The following TIAM2 variants were observed in gnomAD, a reference collection of about 807,000 sequenced individuals.
TIAM2 encodes the protein rho guanine nucleotide exchange factor TIAM2.
A neutral mutation model predicts 152.9 loss-of-function variants in TIAM2; 80 were observed. The observed-to-expected ratio is 0.52, with a 90% confidence interval of 0.44 to 0.63. The LOEUF (loss-of-function observed/expected upper bound fraction) is 0.63, where lower values mean the gene tolerates loss of function less well. TIAM2 is among the 30% of genes least tolerant of loss of function. The probability of loss-of-function intolerance (pLI) is 0.00; values close to 1 mark genes in which losing one functional copy is unlikely to be tolerated. For synonymous variants in TIAM2, 804 were observed against 838.0 expected, an observed-to-expected ratio of 0.96 and a Z score of 0.70; for missense variants, 1,965 against 2,120.1, an observed-to-expected ratio of 0.93 and a Z score of 1.44.
intron 15 of TIAM2, among the ~76,000 whole-genome samples, chr6:155,238,705 A>G (rs1782888647): frequency 6.6e-6 from 1 of 152,226 alleles, no homozygotes; most frequent in South Asian, 2.1e-4. Flanking sequence ...TGCTGCCTCT[A>G]TTCATTTAAT....
At chr6:155,240,742 C>T in intron 16 of TIAM2, 33 bp downstream of exon 16, 9 of 1,585,178 alleles carry the variant, frequency 5.7e-6, no homozygotes, top group Non-Finnish European at 7.7e-6. Context: ...TGCATTCGTG[C>T]CTCTTTGATG....
At chr6:155,090,648 C>T (rs534494865) in intron 2 of TIAM2, among the ~76,000 whole-genome samples, 4 of 152,152 alleles carry the variant, frequency 2.6e-5, no homozygotes, top group South Asian at 4.1e-4. Flanking sequence ...TATGCCAGGC[C>T]TCTCTGGGAC....
intron 2 of TIAM2, among the ~76,000 whole-genome samples, chr6:155,117,431 A>T (rs1779041328): frequency 6.6e-6 from 1 of 152,082 alleles, no homozygotes; most frequent in Admixed American, 6.6e-5. Context: ...TGATGCTGTT[A>T]AAGTTGTCAT....
intron 2 of TIAM2, among the ~76,000 whole-genome samples, chr6:155,124,185 AT>A (rs1484525552): frequency 2.6e-5 from 4 of 151,704 alleles, no homozygotes; most frequent in Admixed American, 6.6e-5. Flanking sequence ...CACTCAGCTA[AT>A]TTTTTTGTAG....
At chr6:155,244,938 G>A in intron 18 of TIAM2, 155 bp downstream of exon 18, 1 of 984,698 alleles carries the variant, frequency 1.0e-6, no homozygotes, top group Non-Finnish European at 1.4e-6. Context: ...TCCTCTGTCA[G>A]GTGGTAAAGG....
At chr6:155,014,789 C>T (rs1004625137) in intron 1 of TIAM2, among the ~76,000 whole-genome samples, 4 of 152,154 alleles carry the variant, frequency 2.6e-5, no homozygotes, top group African/African-American at 7.2e-5. Flanking sequence ...GCCAGAGCAG[C>T]AGAGGGAATT....
Position 155,257,458 on chromosome 6 carries a change from A to ATTT in TIAM2, c.*341_*343dup, listed in dbSNP as rs929352821. ...CGTGATTAATAGTTTTCAAAGGGCC[A>ATTT]TTTTTTAAAATCCTCTGGGCATTTT... On this transcript the variant is annotated 3_prime_UTR_variant, in exon 27 of 27. Coordinates refer to ENST00000682666, the MANE Select transcript of TIAM2 (RefSeq NM_012454.4). 3.0e-6 allele frequency: 1 copy of ATTT among 332,770 alleles called. No homozygotes were observed. The highest frequency in any genetic ancestry group is 5.5e-6 in the Non-Finnish European group (1 of 183,172). 20.6% of individuals were successfully genotyped at this position (332,770 alleles called of 1,614,324 possible).
intron 14 of TIAM2, among the ~76,000 whole-genome samples, chr6:155,195,449 G>A (rs970911569): frequency 6.6e-5 from 10 of 152,108 alleles, no homozygotes; most frequent in African/African-American, 2.2e-4. Flanking sequence ...CTTTTCTCTG[G>A]TTTATCAAGT....
In TIAM2 at chr6:155,129,244, G is replaced by A. The variant is rs114808212; in HGVS notation, c.21G>A (p.Gln7=). 1 of 1,613,750 alleles carries A rather than the reference G, an allele frequency of 6.2e-7. No homozygotes were observed. Among genetic ancestry groups the A allele is most frequent in the African/African-American group, 1.3e-5 (1 of 74,916 alleles). Residue 7 remains glutamine (Q), a synonymous_variant, in exon 4 of 27, where the codon CAG becomes CAA. Coordinates refer to ENST00000682666, the MANE Select transcript of TIAM2 (RefSeq NM_012454.4). This position sits in a 1 kb window ranked among gnomAD's most constrained non-coding sequence, Gnocchi z 4.8. MGNSDS[Q]YTLQGSKNHS... Reference sequence around the variant, plus strand: ...TTAAAATGGGCAACTCCGACAGTCAGTACACCCTTCAAGGATCTAAAAATC... The same window carrying A: ...TTAAAATGGGCAACTCCGACAGTCAATACACCCTTCAAGGATCTAAAAATC...
intron 1 of TIAM2, among the ~76,000 whole-genome samples, chr6:155,069,353 C>T (rs1490734024): frequency 1.3e-5 from 2 of 152,064 alleles, no homozygotes; most frequent in East Asian, 3.9e-4. Context: ...CTCAGCCTCC[C>T]GAAATGCTGA....
chr6:155,253,797 G>A, intron 24 of TIAM2, 176 bp from the exon 25 acceptor site: 1 of 536,694 alleles, frequency 1.9e-6, no homozygotes, highest in Middle Eastern at 3.0e-4. Flanking sequence ...TAACCAAAAG[G>A]CATTTCAGTT....
chr6:155,011,942 T>C (rs111598697), intron 1 of TIAM2, among the ~76,000 whole-genome samples: 11 of 152,212 alleles, frequency 7.2e-5, no homozygotes, highest in African/African-American at 2.7e-4. Flanking sequence ...GGCTCAGCTT[T>C]TCTGAGTGTG....
At chr6:155,140,577 A>T (rs149750092) in intron 5 of TIAM2, among the ~76,000 whole-genome samples, 25,725 of 97,504 alleles carry the variant, frequency 0.26, 2,487 homozygotes, top group East Asian at 0.45. Context: ...TGTGTGTGAG[A>T]GAGAGAGAGA....
chr6:154,996,635 A>C (rs9479998), intron 1 of TIAM2, among the ~76,000 whole-genome samples: 2 of 152,144 alleles, frequency 1.3e-5, no homozygotes, highest in African/African-American at 4.8e-5. Context: ...GGTGCGGATC[A>C]TATGCTATAA....
chr6:155,027,754 T>C (rs1776639873), intron 1 of TIAM2, among the ~76,000 whole-genome samples: 1 of 59,730 alleles, frequency 1.7e-5, no homozygotes, highest in Non-Finnish European at 2.9e-5. Flanking sequence ...ATATATGTAC[T>C]GTGTTACATA....
intron 15 of TIAM2, among the ~76,000 whole-genome samples, chr6:155,239,611 G>T (rs1171111603): frequency 2.0e-5 from 3 of 152,242 alleles, no homozygotes; most frequent in African/African-American, 7.2e-5. Context: ...TGGTGCTTCT[G>T]TCTGAATAGG....
intron 1 of TIAM2, among the ~76,000 whole-genome samples, chr6:155,009,587 G>T (rs1305169235): frequency 6.6e-6 from 1 of 152,156 alleles, no homozygotes; most frequent in Non-Finnish European, 1.5e-5. Flanking sequence ...GTCTGGGTTT[G>T]TATATACCTC....
chr6:155,008,593 T>A (rs923568132), intron 1 of TIAM2, among the ~76,000 whole-genome samples: 3 of 98,374 alleles, frequency 3.0e-5, no homozygotes, highest in African/African-American at 8.5e-5. Context: ...TTTCTGGAAA[T>A]AATTTTTTTT....
intron 14 of TIAM2, among the ~76,000 whole-genome samples, chr6:155,195,114 G>A (rs953730881): frequency 2.6e-5 from 4 of 152,178 alleles, no homozygotes; most frequent in Admixed American, 2.6e-4. Flanking sequence ...TGTGAGAATG[G>A]ATTAATACAA....
Sources: allele counts gnomAD v4.1 joint callset (sites outside exome capture counted in the v4.1 genomes callset), GRCh38; gene constraint gnomAD v4.1.1; non-coding constraint Gnocchi (gnomAD v3.1); transcripts MANE v1.5; gene names NCBI Gene and HGNC (gene_info 2026-07-23, HGNC 2026-07-21).